The following PCDHB9 variants were observed in gnomAD, a reference collection of about 807,000 sequenced individuals.
PCDHB9 encodes protocadherin beta 9.
For synonymous variants in PCDHB9, 501 were observed against 439.7 expected, an observed-to-expected ratio of 1.14 and a Z score of -1.75; for missense variants, 1,072 against 995.1, an observed-to-expected ratio of 1.08 and a Z score of -1.04.
In PCDHB9 at chr5:141,189,579, G is replaced by A; in HGVS notation, c.2261G>A (p.Cys754Tyr). The A allele has an allele frequency of 1.2e-6, 2 of 1,614,110 alleles. No homozygotes were observed. Among genetic ancestry groups the A allele is most frequent in the Non-Finnish European group, 1.7e-6 (2 of 1,180,022 alleles). The change falls in exon 1 of 1, where the codon TGT (cysteine) becomes TAT (tyrosine). Residue 754 changes from cysteine (C) to tyrosine (Y), a missense_variant. Coordinates refer to ENST00000316105, the MANE Select transcript of PCDHB9 (RefSeq NM_019119.5). The part of the protein sequence containing the change: ...TLFQSYQYEV[C>Y]LTGGSETGEF... The stretch of plus-strand genomic sequence containing the variant: ...TTCCAGAGCTACCAGTACGAGGTGT[G>A]TCTGACTGGAGGTTCAGAGACCGGC...
At position 141,187,291 on chromosome 5, in the gene PCDHB9, G is replaced by A. The variant is rs376639640; in HGVS notation, c.-28G>A. On this transcript the variant is annotated 5_prime_UTR_variant, in exon 1 of 1. Coordinates refer to ENST00000316105, the MANE Select transcript of PCDHB9 (RefSeq NM_019119.5). ...CTATTTGTGCTGGGGCAGTGTGATT[G>A]AGACTGACATTGAGGAAAGAAGCAG... 10 of 1,600,010 alleles carry A rather than the reference G, an allele frequency of 6.2e-6. No homozygotes were observed. In the African/African-American group the frequency reaches 1.3e-4, roughly 21 times the overall value.
chr5:141,189,263 G>A lies in PCDHB9; in HGVS notation c.1945G>A (p.Glu649Lys). ...RLVVLVKDNG[E>K]PPRSATATLH... ...GGTGGTGCTTGTCAAGGACAATGGCGAGCCTCCTCGCTCGGCCACCGCCAC... is the reference window on the plus strand; with the variant it reads ...GGTGGTGCTTGTCAAGGACAATGGCAAGCCTCCTCGCTCGGCCACCGCCAC... The change falls in exon 1 of 1, where the codon GAG becomes AAG. Residue 649 changes from glutamate to lysine, a missense_variant. Coordinates refer to ENST00000316105, the MANE Select transcript of PCDHB9 (RefSeq NM_019119.5). 1 of 1,607,752 alleles carries A rather than the reference G, an allele frequency of 6.2e-7. No individual in the cohort carries two copies. Among genetic ancestry groups the A allele is most frequent in the Non-Finnish European group, 8.5e-7 (1 of 1,179,710 alleles).
In PCDHB9 at chr5:141,188,851, C is replaced by A. The variant is rs782463413; in HGVS notation, c.1533C>A (p.Gly511=). 4.3e-6 allele frequency: 7 copies of A among 1,612,780 alleles called. No homozygotes were observed. In the African/African-American group the frequency reaches 8.0e-5, roughly 18 times the overall value. ...ASLVSINADN[G]HLFALRSLDY... The stretch of plus-strand genomic sequence containing the variant: ...TGGTCTCCATCAACGCGGACAATGG[C>A]CACCTGTTTGCCCTCAGGTCGCTGG... Residue 511 remains glycine (G), a synonymous_variant, in exon 1 of 1, where the codon GGC becomes GGA. Transcript: ENST00000316105.
chr5:141,189,920 A>G lies in PCDHB9; in HGVS notation c.*208A>G. On this transcript the variant is annotated 3_prime_UTR_variant, in exon 1 of 1. Transcript: ENST00000316105. ...TAGAATCCCATAAGTGAAATATAAT[A>G]TTTTTCAAAGTTGATATCATTTAAA... 2.2e-6 allele frequency: 1 copy of G among 462,594 alleles called. No individual in the cohort carries two copies. Among genetic ancestry groups the G allele is most frequent in the Admixed American group, 3.9e-5 (1 of 25,740 alleles). 28.7% of individuals were successfully genotyped at this position (462,594 alleles called of 1,614,324 possible). A position where few individuals can be genotyped will look rare whatever the true frequency, so the allele number is the denominator to read the frequency against.
At position 141,188,001 on chromosome 5, in the gene PCDHB9, T is replaced by C. The variant is rs1554282892; in HGVS notation, c.683T>C (p.Ile228Thr). ...GSPSRSGTST[I>T]RIVVLDVNDN... ...CCATCCAGGTCTGGGACCTCCACTA[T>C]ACGCATTGTGGTCTTGGATGTCAAT... The change falls in exon 1 of 1, where the codon ATA (isoleucine) becomes ACA (threonine). Residue 228 changes from isoleucine (I) to threonine (T), a missense_variant. Coordinates refer to ENST00000316105, the MANE Select transcript of PCDHB9 (RefSeq NM_019119.5). 6.2e-7 allele frequency: 1 copy of C among 1,613,994 alleles called. No individual in the cohort carries two copies. The highest frequency in any genetic ancestry group is 1.3e-5 in the African/African-American group (1 of 74,904).
Position 141,189,437 on chromosome 5 carries a change from C to G in PCDHB9, c.2119C>G (p.Leu707Val). ...VSSLFLLSVL[L>V]FVAVRLCRRS... The stretch of plus-strand genomic sequence containing the variant: ...TTCGCTCTTCCTCCTCTCGGTGCTC[C>G]TGTTCGTGGCGGTGCGGCTGTGCAG... The change falls in exon 1 of 1, where the codon CTG becomes GTG. Residue 707 changes from leucine to valine, a missense_variant. By Grantham distance (32) the Leu-to-Val change is conservative (BLOSUM62 1). Transcript: ENST00000316105. The G allele has an allele frequency of 3.1e-6, 5 of 1,612,102 alleles. No individual in the cohort carries two copies. The highest frequency in any genetic ancestry group is 4.2e-6 in the Non-Finnish European group (5 of 1,179,756).
In PCDHB9 at chr5:141,189,476, G is replaced by A. The variant is rs370569013; in HGVS notation, c.2158G>A (p.Ala720Thr). 6.2e-7 allele frequency: 1 copy of A among 1,613,090 alleles called. No individual in the cohort carries two copies. Among genetic ancestry groups the A allele is most frequent in the Non-Finnish European group, 8.5e-7 (1 of 1,179,938 alleles). ...GCGGCTGTGCAGGAGGAGCAGGGCG[G>A]CCTCGGTGGGTCGCTGCTCGGTGCC... ...AVRLCRRSRA[A>T]SVGRCSVPEG... Residue 720 changes from alanine (A) to threonine (T), a missense_variant, in exon 1 of 1, where the codon GCC (alanine) becomes ACC (threonine). Coordinates refer to ENST00000316105, the MANE Select transcript of PCDHB9 (RefSeq NM_019119.5).
chr5:141,189,039 A>C lies in PCDHB9; in HGVS notation c.1721A>C (p.Glu574Ala), dbSNP rs1385874859. The change falls in exon 1 of 1, where the codon GAG becomes GCG. Residue 574 changes from glutamate (E) to alanine (A), a missense_variant. Physicochemically the swap from Glu to Ala is moderately radical, Grantham distance 107 (BLOSUM62 -1). Coordinates refer to ENST00000316105, the MANE Select transcript of PCDHB9 (RefSeq NM_019119.5). ...CAGAACGGCTCCGCGCCCTGCACCG[A>C]GCTGGTGCCCCGGGCGGCCGAGCCG... ...PLQNGSAPCT[E>A]LVPRAAEPGY... The C allele has an allele frequency of 3.7e-6, 6 of 1,608,542 alleles. No homozygotes were observed. The Admixed American group carries it at 5.0e-5, about 13-fold the overall frequency.
chr5:141,188,280 C>A lies in PCDHB9; in HGVS notation c.962C>A (p.Ala321Glu), dbSNP rs781916205. The change falls in exon 1 of 1, where the codon GCA becomes GAA. Residue 321 changes from alanine (A) to glutamate (E), a missense_variant. Physicochemically the swap from Ala to Glu is moderately radical, Grantham distance 107. Transcript: ENST00000316105. ...AATTCTTACAAAATAAATATACAGG[C>A]AATGGACGGCGGAGGCCTTTCTGCA... ...LVNSYKINIQ[A>E]MDGGGLSARC... 6.2e-7 allele frequency: 1 copy of A among 1,613,958 alleles called. No individual in the cohort carries two copies.
Position 141,191,482 on chromosome 5 carries a change from C to A in PCDHB9, c.*1770C>A, listed in dbSNP as rs1213288019. On this transcript the variant is annotated 3_prime_UTR_variant, in exon 1 of 1. Transcript: ENST00000316105. ...ATCTCTTATTTAACCCTGTAAGTTACTTTAAAGCTAATACAAGAAAAACAA... is the reference window on the plus strand; with the variant it reads ...ATCTCTTATTTAACCCTGTAAGTTAATTTAAAGCTAATACAAGAAAAACAA... The A allele has an allele frequency of 3.3e-5, 5 of 151,994 alleles. No homozygotes were observed. The highest frequency in any genetic ancestry group is 2.1e-4 in the South Asian group (1 of 4,822). The allele number at this position is 151,994 out of a possible 1,614,324, so 9.4% of individuals were successfully genotyped here.
rs1305770896 is a variant in PCDHB9 at position 141,187,840 on chromosome 5, C to A, written c.522C>A (p.Ser174=). Residue 174 remains serine (S), a synonymous_variant, in exon 1 of 1, where the codon TCC becomes TCA. Coordinates refer to ENST00000316105, the MANE Select transcript of PCDHB9 (RefSeq NM_019119.5). ...HNSIQNYTIS[S]NSFFHIKISG... The stretch of plus-strand genomic sequence containing the variant: ...GTATCCAAAACTACACGATCAGCTC[C>A]AACTCTTTTTTCCATATTAAAATTA... 8 of 1,614,050 alleles carry A rather than the reference C, an allele frequency of 5.0e-6. No individual in the cohort carries two copies. The highest frequency in any genetic ancestry group is 6.8e-6 in the Non-Finnish European group (8 of 1,180,044).
rs1188049969 is a variant in PCDHB9 at position 141,188,793 on chromosome 5, C to G, written c.1475C>G (p.Pro492Arg). 8 of 1,612,906 alleles carry G rather than the reference C, an allele frequency of 5.0e-6. No homozygotes were observed. The highest frequency in any genetic ancestry group is 1.3e-5 in the African/African-American group (1 of 74,976). Residue 492 changes from proline (P) to arginine (R), a missense_variant, in exon 1 of 1, where the codon CCG (proline) becomes CGG (arginine). Coordinates refer to ENST00000316105, the MANE Select transcript of PCDHB9 (RefSeq NM_019119.5). ...TNAQVTYSLL[P>R]PQDPHLPLAS... ...GCCCAGGTCACCTACTCGCTGCTGCCGCCCCAGGACCCACACCTGCCCCTC... is the reference window on the plus strand; with the variant it reads ...GCCCAGGTCACCTACTCGCTGCTGCGGCCCCAGGACCCACACCTGCCCCTC...
Position 141,187,777 on chromosome 5 carries a change from A to G in PCDHB9, c.459A>G (p.Arg153=). 1 of 1,614,190 alleles carries G rather than the reference A, an allele frequency of 6.2e-7. No individual in the cohort carries two copies. The stretch of plus-strand genomic sequence containing the variant: ...ATACAGCTGAAGGGACAGCATTTAG[A>G]CTAGAAAGAGCACAGGATCCAGATG... ...SENTAEGTAF[R]LERAQDPDEG... is the part of the protein sequence containing the mutation. The change falls in exon 1 of 1, where the codon AGA becomes AGG. Residue 153 remains arginine (R), a synonymous_variant. Transcript: ENST00000316105.
At position 141,188,856 on chromosome 5, in the gene PCDHB9, T is replaced by C; in HGVS notation, c.1538T>C (p.Leu513Pro). 6.2e-7 allele frequency: 1 copy of C among 1,612,874 alleles called. No homozygotes were observed. Among genetic ancestry groups the C allele is most frequent in the East Asian group, 2.2e-5 (1 of 44,888 alleles). ...TCCATCAACGCGGACAATGGCCACC[T>C]GTTTGCCCTCAGGTCGCTGGACTAC... is the stretch of plus-strand genomic sequence containing the variant. ...LVSINADNGH[L>P]FALRSLDYEA... The change falls in exon 1 of 1, where the codon CTG (leucine) becomes CCG (proline). Residue 513 changes from leucine to proline, a missense_variant. By Grantham distance (98) the Leu-to-Pro change is moderately conservative. Coordinates refer to ENST00000316105, the MANE Select transcript of PCDHB9 (RefSeq NM_019119.5).
rs189058805 is a variant in PCDHB9, at chr5:141,189,496, G to C, written c.2178G>C (p.Ser726=). Residue 726 remains serine (S), a synonymous_variant, in exon 1 of 1, where the codon TCG becomes TCC. Coordinates refer to ENST00000316105, the MANE Select transcript of PCDHB9 (RefSeq NM_019119.5). ...RSRAASVGRC[S]VPEGPFPGHL... The stretch of plus-strand genomic sequence containing the variant: ...GGGCGGCCTCGGTGGGTCGCTGCTC[G>C]GTGCCCGAGGGTCCTTTTCCAGGGC... 0.012 allele frequency: 19,293 copies of C among 1,613,198 alleles called. 198 individuals carry two copies. The highest frequency in any genetic ancestry group is 0.025 in the Middle Eastern group (142 of 5,764).
rs192553225 is a variant in PCDHB9 at position 141,188,770 on chromosome 5, C to G, written c.1452C>G (p.Ala484=). The change falls in exon 1 of 1, where the codon GCC becomes GCG. Residue 484 remains alanine, a synonymous_variant. Transcript: ENST00000316105. ...SATDRDSGTN[A]QVTYSLLPPQ... is the part of the protein sequence containing the mutation. ...CAGACAGAGACTCAGGCACCAACGCCCAGGTCACCTACTCGCTGCTGCCGC... is the reference window on the plus strand; with the variant it reads ...CAGACAGAGACTCAGGCACCAACGCGCAGGTCACCTACTCGCTGCTGCCGC... 266 of 1,613,022 alleles carry G rather than the reference C, an allele frequency of 1.6e-4. 2 individuals carry two copies. In the East Asian group the frequency reaches 5.2e-3, roughly 31 times the overall value.
chr5:141,189,665 A>G lies in PCDHB9; in HGVS notation c.2347A>G (p.Ile783Val), dbSNP rs782510696. The change falls in exon 1 of 1, where the codon ATA becomes GTA. Residue 783 changes from isoleucine (I) to valine (V), a missense_variant. Physicochemically the swap from Ile to Val is conservative, Grantham distance 29. Coordinates refer to ENST00000316105, the MANE Select transcript of PCDHB9 (RefSeq NM_019119.5). The part of the protein sequence containing the change: ...HLPPHRGGKE[I>V]EENSTLPNSF... ...CCCGCCCCATAGGGGTGGGAAAGAA[A>G]TAGAGGAAAATTCTACTCTCCCCAA... 2.6e-5 allele frequency: 42 copies of G among 1,611,968 alleles called. No individual in the cohort carries two copies. Among genetic ancestry groups the G allele is most frequent in the Non-Finnish European group, 3.5e-5 (41 of 1,179,070 alleles).
Position 141,189,418 on chromosome 5 carries a change from C to G in PCDHB9, c.2100C>G (p.Leu700=), listed in dbSNP as rs1753839695. The change falls in exon 1 of 1, where the codon CTC becomes CTG. Residue 700 remains leucine, a synonymous_variant. Coordinates refer to ENST00000316105, the MANE Select transcript of PCDHB9 (RefSeq NM_019119.5). ...TGGCGTTGGCCTCGGTGTCTTCGCT[C>G]TTCCTCCTCTCGGTGCTCCTGTTCG... The part of the protein sequence containing the change: ...LVVALASVSS[L]FLLSVLLFVA... 5.6e-6 allele frequency: 9 copies of G among 1,611,732 alleles called. No homozygotes were observed. Among genetic ancestry groups the G allele is most frequent in the East Asian group, 2.2e-5 (1 of 44,864 alleles).
In PCDHB9 at chr5:141,189,127, G is replaced by C; in HGVS notation, c.1809G>C (p.Ser603=). 2 of 1,601,172 alleles carry C rather than the reference G, an allele frequency of 1.2e-6. No homozygotes were observed. The highest frequency in any genetic ancestry group is 1.1e-5 in the South Asian group (1 of 90,884). ...DGDSGQNAWL[S]YQLLKATEPG... ...ACTCGGGCCAGAACGCCTGGCTGTC[G>C]TACCAGCTGCTCAAGGCCACGGAGC... The change falls in exon 1 of 1, where the codon TCG becomes TCC. Residue 603 remains serine (S), a synonymous_variant. Coordinates refer to ENST00000316105, the MANE Select transcript of PCDHB9 (RefSeq NM_019119.5).
Sources: allele counts gnomAD v4.1 joint callset, GRCh38; gene constraint gnomAD v4.1.1; transcripts MANE v1.5; gene names NCBI Gene and HGNC (gene_info 2026-07-23, HGNC 2026-07-21).